XPO5: variants seen among roughly 807,000 people sequenced by gnomAD.
XPO5 encodes the protein exportin 5.
In XPO5, 46 loss-of-function variants were observed where a neutral mutation model predicts 160.6. That is an observed-to-expected ratio of 0.29 (90% CI 0.23 to 0.37). The LOEUF is 0.37. Ranked by LOEUF, XPO5 falls within the 10% of genes least tolerant of loss-of-function variation. The pLI is 1.00. For synonymous variants in XPO5, 537 were observed against 519.3 expected (o/e 1.03, Z -0.46); for missense variants, 1,090 against 1,463.9 (o/e 0.74, Z 4.17).
intron 24 of XPO5, among the ~76,000 whole-genome samples, chr6:43,528,566 C>G (rs774520308): frequency 1.3e-5 from 2 of 152,126 alleles, no homozygotes; most frequent in African/African-American, 4.8e-5. Context: ...AGCAAGCATT[C>G]CTCTTTTTAC....
Position 43,522,972 on chromosome 6 carries a change from G to A in XPO5, c.*896C>T, listed in dbSNP as rs1793289012. 2 of 176,272 alleles carry A rather than the reference G, an allele frequency of 1.1e-5. No individual in the cohort carries two copies. The highest frequency in any genetic ancestry group is 2.0e-4 in the South Asian group (2 of 10,010). 10.9% of individuals were successfully genotyped at this position (176,272 alleles called of 1,614,324 possible). A position where few individuals can be genotyped will look rare whatever the true frequency, so the allele number is the denominator to read the frequency against. On this transcript the variant is annotated 3_prime_UTR_variant, in exon 32 of 32. Transcript: ENST00000265351. Reference sequence around the variant, plus strand: ...GGGACCTGAAAGACCATGAGATTGTGGAAGGCACCTGGACTTAGTCCTAGG... The same window carrying A: ...GGGACCTGAAAGACCATGAGATTGTAGAAGGCACCTGGACTTAGTCCTAGG...
intron 15 of XPO5, among the ~76,000 whole-genome samples, chr6:43,550,502 T>A (rs747490276): frequency 3.3e-5 from 5 of 152,188 alleles, no homozygotes; most frequent in Admixed American, 6.5e-5. Flanking sequence ...TTTTCTCCAC[T>A]CCTCCAATGA....
chr6:43,565,199 G>C (rs1047876049), intron 8 of XPO5, among the ~76,000 whole-genome samples: 1 of 152,128 alleles, frequency 6.6e-6, no homozygotes, highest in Non-Finnish European at 1.5e-5. Context: ...TGGAATTACA[G>C]GTGTGAGCCA....
chr6:43,549,125 G>C (rs539409165), intron 17 of XPO5, among the ~76,000 whole-genome samples: 1 of 152,308 alleles, frequency 6.6e-6, no homozygotes, highest in Middle Eastern at 3.4e-3. Context: ...GCAATGGCGT[G>C]ATCTTGGCTC....
At position 43,546,582 on chromosome 6, in the gene XPO5, A is replaced by G; in HGVS notation, c.2331T>C (p.Leu777=). ...TTATTCTGACTCACCTTATAAGCGC[A>G]AGCAAATTGTCAAGAAGTTTCAGAA... ...EQILKLLDNL[L]ALIRTHNTLY... Residue 777 remains leucine, a synonymous_variant, in exon 20 of 32, where the codon CTT becomes CTC. Transcript: ENST00000265351. 1.9e-6 allele frequency: 3 copies of G among 1,608,390 alleles called. No individual in the cohort carries two copies. Among genetic ancestry groups the G allele is most frequent in the South Asian group, 1.1e-5 (1 of 89,452 alleles).
At chr6:43,558,214 G>A (rs1436748765) in intron 12 of XPO5, among the ~76,000 whole-genome samples, 1 of 152,034 alleles carries the variant, frequency 6.6e-6, no homozygotes, top group East Asian at 1.9e-4. Context: ...AAGGTAAGAT[G>A]GTATTTAATC....
intron 7 of XPO5, among the ~76,000 whole-genome samples, chr6:43,566,135 G>C (rs1386359339): frequency 6.6e-6 from 1 of 152,160 alleles, no homozygotes; most frequent in African/African-American, 2.4e-5. Context: ...GCTCACACCT[G>C]TAATCCTAGC....
At chr6:43,533,860 A>G in intron 21 of XPO5, 47 bp downstream of exon 21, 1 of 1,428,890 alleles carries the variant, frequency 7.0e-7, no homozygotes, top group Non-Finnish European at 9.6e-7. Flanking sequence ...GGGGACATCC[A>G]TTAGGGATAA....
At chr6:43,525,323 A>G in intron 28 of XPO5, 109 bp from the exon 29 acceptor site, 1 of 1,063,040 alleles carries the variant, frequency 9.4e-7, no homozygotes, top group East Asian at 2.6e-5. Flanking sequence ...CCCCCCCTCT[A>G]AAGATGGGTT....
chr6:43,539,421 C>A, intron 20 of XPO5: 1 of 1,569,426 alleles, frequency 6.4e-7, no homozygotes. Flanking sequence ...AGGAAAAAGT[C>A]AATGATCTCT....
chr6:43,532,128 T>C (rs1237297196), intron 21 of XPO5, among the ~76,000 whole-genome samples: 1 of 152,240 alleles, frequency 6.6e-6, no homozygotes, highest in African/African-American at 2.4e-5. Flanking sequence ...CTGACTTAAC[T>C]TGAATAATGG....
intron 26 of XPO5, chr6:43,527,415 G>A (rs1325209619): frequency 7.0e-6 from 3 of 430,272 alleles, no homozygotes; most frequent in African/African-American, 4.1e-5. Flanking sequence ...GGGACTACAG[G>A]CCTGCGCGCC....
rs774916295 is a variant in XPO5, at chr6:43,560,296, C to T, written c.1103G>A (p.Arg368His). ...AFTTHPSQFL[R>H]SSTQMTWGAL... is the part of the protein sequence containing the mutation. ...TCCCCAAGTCATCTGAGTTGAAGAGCGTAGAAACTAAAGAGAAAAAAAAAA... is the reference window on the plus strand; with the variant it reads ...TCCCCAAGTCATCTGAGTTGAAGAGTGTAGAAACTAAAGAGAAAAAAAAAA... The change falls in exon 11 of 32, where the codon CGC becomes CAC. Residue 368 changes from arginine to histidine, a missense_variant. Coordinates refer to ENST00000265351, the MANE Select transcript of XPO5 (RefSeq NM_020750.3). 1.9e-6 allele frequency: 3 copies of T among 1,603,216 alleles called. No individual in the cohort carries two copies. The highest frequency in any genetic ancestry group is 1.3e-5 in the African/African-American group (1 of 74,168).
At chr6:43,561,684 AAT>A (rs1223218383) in intron 9 of XPO5, 1 of 153,078 alleles carries the variant, frequency 6.5e-6, no homozygotes, top group African/African-American at 2.4e-5. Flanking sequence ...TGGCCCCCTC[AAT>A]GGTTGCTTAT....
At position 43,523,501 on chromosome 6, in the gene XPO5, G is replaced by T. The variant is rs1793329312; in HGVS notation, c.*367C>A. On this transcript the variant is annotated 3_prime_UTR_variant, in exon 32 of 32. Transcript: ENST00000265351. The stretch of plus-strand genomic sequence containing the variant: ...TTGCTGCGAGCCTTGCTAGTCGCAG[G>T]GTTGGGCACAGCACCCTTAGTTACC... 2 of 403,558 alleles carry T rather than the reference G, an allele frequency of 5.0e-6. No homozygotes were observed. Among genetic ancestry groups the T allele is most frequent in the South Asian group, 4.0e-5 (2 of 50,312 alleles). 25.0% of individuals were successfully genotyped at this position (403,558 alleles called of 1,614,324 possible).
intron 8 of XPO5, among the ~76,000 whole-genome samples, chr6:43,564,251 C>T (rs111603637): frequency 4.6e-5 from 7 of 152,248 alleles, no homozygotes; most frequent in Admixed American, 1.3e-4. Flanking sequence ...ATTTTCCAGC[C>T]GGGCACGGTG....
rs370685034 is a variant in XPO5, at chr6:43,526,709, T to C, written c.2959A>G (p.Ser987Gly). 1 of 1,613,968 alleles carries C rather than the reference T, an allele frequency of 6.2e-7. No homozygotes were observed. Among genetic ancestry groups the C allele is most frequent in the South Asian group, 1.1e-5 (1 of 91,058 alleles). ...CVSKKGADHS[S>G]APPADGDDEE... ...CCGTCTCCATCTGCTGGGGGAGCACTACTGTGGTCAGCACCCTTCTTTGAA... is the reference window on the plus strand; with the variant it reads ...CCGTCTCCATCTGCTGGGGGAGCACCACTGTGGTCAGCACCCTTCTTTGAA... Residue 987 changes from serine (S) to glycine (G), a missense_variant, in exon 27 of 32, where the codon AGT becomes GGT. Ser to Gly is a moderately conservative substitution (Grantham distance 56). Coordinates refer to ENST00000265351, the MANE Select transcript of XPO5 (RefSeq NM_020750.3).
Position 43,560,195 on chromosome 6 carries a change from T to G in XPO5, c.1204A>C (p.Met402Leu). 1 of 1,612,712 alleles carries G rather than the reference T, an allele frequency of 6.2e-7. No individual in the cohort carries two copies. The highest frequency in any genetic ancestry group is 8.5e-7 in the Non-Finnish European group (1 of 1,179,296). Reference sequence around the variant, plus strand: ...TTATATACCTTGACCAAGTTAGTCATGGAAGCACGAAGATATTTTGGTATT... The same window carrying G: ...TTATATACCTTGACCAAGTTAGTCAGGGAAGCACGAAGATATTTTGGTATT... ...AIIPKYLRAS[M>L]TNLVKMGFPS... is the part of the protein sequence containing the mutation. The change falls in exon 11 of 32, where the codon ATG (methionine) becomes CTG (leucine). Residue 402 changes from methionine (M) to leucine (L), a missense_variant. Met to Leu is a conservative substitution (Grantham distance 15). This residue lies in a region of XPO5 where 810 missense variants were observed against 1,139.0 expected (regional missense o/e 0.71). Coordinates refer to ENST00000265351, the MANE Select transcript of XPO5 (RefSeq NM_020750.3).
Position 43,530,823 on chromosome 6 carries a change from A to G in XPO5, c.2542T>C (p.Phe848Leu), listed in dbSNP as rs766876543. The G allele has an allele frequency of 6.2e-7, 1 of 1,611,652 alleles. No individual in the cohort carries two copies. Among genetic ancestry groups the G allele is most frequent in the South Asian group, 1.1e-5 (1 of 90,554 alleles). The change falls in exon 23 of 32, where the codon TTT (phenylalanine) becomes CTT (leucine). Residue 848 changes from phenylalanine to leucine, a missense_variant and splice_region_variant. By Grantham distance (22) the Phe-to-Leu change is conservative. This residue lies in a region of XPO5 where 810 missense variants were observed against 1,139.0 expected (regional missense o/e 0.71). Coordinates refer to ENST00000265351, the MANE Select transcript of XPO5 (RefSeq NM_020750.3). ...RFFSTLYENC[F>L]HILGKAGPSM... ...GGGCCTGCCTTCCCTAGGATATGAAAACTGTAAAGGGGAAAAAAAGAGCAT... is the reference window on the plus strand; with the variant it reads ...GGGCCTGCCTTCCCTAGGATATGAAGACTGTAAAGGGGAAAAAAAGAGCAT...
Sources: allele counts gnomAD v4.1 joint callset (sites outside exome capture counted in the v4.1 genomes callset), GRCh38; gene constraint gnomAD v4.1.1; regional missense constraint gnomAD v4.1.1; transcripts MANE v1.5; gene names NCBI Gene and HGNC (gene_info 2026-07-23, HGNC 2026-07-21).